BHLHA15: variants seen among roughly 807,000 people sequenced by gnomAD.
BHLHA15 encodes the protein basic helix-loop-helix family member a15.
BHLHA15 carries 7 observed loss-of-function variants against 10.4 expected under a neutral mutation model. The ratio of observed to expected loss-of-function variants is 0.67; its 90% CI spans 0.38 to 1.26. BHLHA15 has a LOEUF of 1.26. BHLHA15 is among the 50% of genes most tolerant of loss of function. The probability of loss-of-function intolerance (pLI) is 0.02; values close to 1 mark genes in which losing one functional copy is unlikely to be tolerated. For synonymous variants in BHLHA15, 140 were observed against 131.5 expected (o/e 1.06, Z -0.44); for missense variants, 289 against 287.4 (o/e 1.01, Z -0.04).
Position 98,212,666 on chromosome 7 carries a change from G to A in BHLHA15, c.357G>A (p.Leu119=). The change falls in exon 2 of 2, where the codon CTG becomes CTA. Residue 119 remains leucine (L), a synonymous_variant. Transcript: ENST00000609256. The part of the protein sequence containing the change: ...KKLSKIETLT[L]AKNYIKSLTA... ...TCTCCAAGATCGAGACGCTCACGCTGGCCAAGAACTACATCAAATCGCTGA... is the reference window on the plus strand; with the variant it reads ...TCTCCAAGATCGAGACGCTCACGCTAGCCAAGAACTACATCAAATCGCTGA... The A allele has an allele frequency of 6.3e-7, 1 of 1,589,056 alleles. No individual in the cohort carries two copies.
chr7:98,212,970 G>A lies in BHLHA15; in HGVS notation c.*91G>A. 1 of 1,209,880 alleles carries A rather than the reference G, an allele frequency of 8.3e-7. No individual in the cohort carries two copies. The highest frequency in any genetic ancestry group is 1.5e-5 in the South Asian group (1 of 66,436). The allele number at this position is 1,209,880 out of a possible 1,614,324, so 74.9% of individuals were successfully genotyped here. ...CCTCCAAGCCACGAGCCCCAGATGGGCGGTGACACCCCACAAGGACACGGC... is the reference window on the plus strand; with the variant it reads ...CCTCCAAGCCACGAGCCCCAGATGGACGGTGACACCCCACAAGGACACGGC... On this transcript the variant is annotated 3_prime_UTR_variant, in exon 2 of 2. Coordinates refer to ENST00000609256, the MANE Select transcript of BHLHA15 (RefSeq NM_177455.4).
Position 98,215,017 on chromosome 7 carries a change from G to C in BHLHA15, c.*2138G>C, listed in dbSNP as rs976560768. ...GGACAGGGGCCAGGTCCACTCCCTTGGCCCTCCTCTTGGACCCCAAGGCCA... is the reference window on the plus strand; with the variant it reads ...GGACAGGGGCCAGGTCCACTCCCTTCGCCCTCCTCTTGGACCCCAAGGCCA... On this transcript the variant is annotated 3_prime_UTR_variant, in exon 2 of 2. Transcript: ENST00000609256. The C allele has an allele frequency of 1.3e-5, 2 of 152,308 alleles. No homozygotes were observed. The highest frequency in any genetic ancestry group is 4.8e-5 in the African/African-American group (2 of 41,470). The allele number at this position is 152,308 out of a possible 1,614,324, so 9.4% of individuals were successfully genotyped here.
chr7:98,215,152 T>A lies in BHLHA15; in HGVS notation c.*2273T>A, dbSNP rs1330205331. 6.6e-6 allele frequency: 1 copy of A among 152,260 alleles called. No homozygotes were observed. Among genetic ancestry groups the A allele is most frequent in the African/African-American group, 2.4e-5 (1 of 41,460 alleles). The allele number at this position is 152,260 out of a possible 1,614,324, so 9.4% of individuals were successfully genotyped here. ...ACCCACCCACATGCCGTTCCTGGGC[T>A]ACGCCACGCGCCATCCCCCGGGGCT... is the stretch of plus-strand genomic sequence containing the variant. On this transcript the variant is annotated 3_prime_UTR_variant, in exon 2 of 2. Coordinates refer to ENST00000609256, the MANE Select transcript of BHLHA15 (RefSeq NM_177455.4).
rs766184189 is a variant in BHLHA15 at position 98,212,325 on chromosome 7, C to T, written c.16C>T (p.Arg6Trp). The T allele has an allele frequency of 3.3e-5, 45 of 1,371,244 alleles. 1 individual carries two copies. The African/African-American group carries it at 4.2e-4, about 13-fold the overall frequency. 84.9% of individuals were successfully genotyped at this position (1,371,244 alleles called of 1,614,324 possible). The change falls in exon 2 of 2, where the codon CGG becomes TGG. Residue 6 changes from arginine (R) to tryptophan (W), a missense_variant. Coordinates refer to ENST00000609256, the MANE Select transcript of BHLHA15 (RefSeq NM_177455.4). MKTKN[R>W]PPRRRAPVQD... ...GTCCAGGGCCATGAAGACCAAGAAC[C>T]GGCCCCCACGGCGCCGGGCCCCGGT...
rs1215031937 is a variant in BHLHA15, at chr7:98,212,753, G to A, written c.444G>A (p.Lys148=). 3.2e-6 allele frequency: 5 copies of A among 1,555,294 alleles called. No individual in the cohort carries two copies. Among genetic ancestry groups the A allele is most frequent in the Non-Finnish European group, 4.3e-6 (5 of 1,150,130 alleles). ...RLPGLEGPGP[K]LYQHYQQQQQ... is the part of the protein sequence containing the mutation. ...CAGGCCTGGAGGGGCCGGGCCCCAA[G>A]CTCTACCAGCACTACCAGCAGCAGC... Residue 148 remains lysine (K), a synonymous_variant, in exon 2 of 2, where the codon AAG becomes AAA. Coordinates refer to ENST00000609256, the MANE Select transcript of BHLHA15 (RefSeq NM_177455.4).
In BHLHA15 at chr7:98,212,413, C is replaced by A; in HGVS notation, c.104C>A (p.Pro35Gln). 6.7e-7 allele frequency: 1 copy of A among 1,492,252 alleles called. No homozygotes were observed. Among genetic ancestry groups the A allele is most frequent in the Non-Finnish European group, 8.9e-7 (1 of 1,122,432 alleles). 92.4% of individuals were successfully genotyped at this position (1,492,252 alleles called of 1,614,324 possible). ...TPDGSLPNPG[P>Q]EPAKGLRSRP... ...GACGGGTCCCTGCCGAACCCGGGGC[C>A]AGAGCCGGCCAAGGGTCTGCGGAGC... The change falls in exon 2 of 2, where the codon CCA (proline) becomes CAA (glutamine). Residue 35 changes from proline (P) to glutamine (Q), a missense_variant. Transcript: ENST00000609256.
Position 98,212,960 on chromosome 7 carries a change from C to T in BHLHA15, c.*81C>T. ...AGCCCCAGTCCCTCCAAGCCACGAG[C>T]CCCAGATGGGCGGTGACACCCCACA... On this transcript the variant is annotated 3_prime_UTR_variant, in exon 2 of 2. Coordinates refer to ENST00000609256, the MANE Select transcript of BHLHA15 (RefSeq NM_177455.4). The T allele has an allele frequency of 7.6e-7, 1 of 1,319,672 alleles. No homozygotes were observed. The highest frequency in any genetic ancestry group is 3.0e-5 in the Admixed American group (1 of 33,838). The allele number at this position is 1,319,672 out of a possible 1,614,324, so 81.7% of individuals were successfully genotyped here.
chr7:98,211,632 C>A (rs1000017888), intron 1 of BHLHA15, 134 bp downstream of exon 1: 1 of 152,542 alleles, frequency 6.6e-6, no homozygotes, highest in Non-Finnish European at 1.5e-5. Context: ...TCTGGAGGCT[C>A]CACGGGGCCC....
rs1006779978 is a variant in BHLHA15, at chr7:98,214,503, G to A, written c.*1624G>A. 6.6e-6 allele frequency: 1 copy of A among 152,384 alleles called. No individual in the cohort carries two copies. Among genetic ancestry groups the A allele is most frequent in the Non-Finnish European group, 1.5e-5 (1 of 68,146 alleles). The allele number at this position is 152,384 out of a possible 1,614,324, so 9.4% of individuals were successfully genotyped here. A position where few individuals can be genotyped will look rare whatever the true frequency, so the allele number is the denominator to read the frequency against. ...GATGCAGCTGGGAGCTTGGGACAGA[G>A]AGAGCCCAGGGCTCCCCTGCTGTGG... On this transcript the variant is annotated 3_prime_UTR_variant, in exon 2 of 2. Transcript: ENST00000609256.
At position 98,214,522 on chromosome 7, in the gene BHLHA15, G is replaced by A. The variant is rs1034307245; in HGVS notation, c.*1643G>A. The A allele has an allele frequency of 7.9e-5, 12 of 152,278 alleles. No individual in the cohort carries two copies. Among genetic ancestry groups the A allele is most frequent in the African/African-American group, 2.9e-4 (12 of 41,456 alleles). 9.4% of individuals were successfully genotyped at this position (152,278 alleles called of 1,614,324 possible). A position where few individuals can be genotyped will look rare whatever the true frequency, so the allele number is the denominator to read the frequency against. On this transcript the variant is annotated 3_prime_UTR_variant, in exon 2 of 2. Coordinates refer to ENST00000609256, the MANE Select transcript of BHLHA15 (RefSeq NM_177455.4). ...GACAGAGAGAGCCCAGGGCTCCCCT[G>A]CTGTGGGGCACCTGCCCAGCGGGGA...
Position 98,212,923 on chromosome 7 carries a change from C to A in BHLHA15, c.*44C>A. On this transcript the variant is annotated 3_prime_UTR_variant, in exon 2 of 2. Transcript: ENST00000609256. ...GGTGGCGGTGGCCGCAGCTGCCTGG[C>A]CTGCTCCTCCCAGCCCCAGTCCCTC... 1 of 1,486,752 alleles carries A rather than the reference C, an allele frequency of 6.7e-7. No homozygotes were observed. Among genetic ancestry groups the A allele is most frequent in the Non-Finnish European group, 8.9e-7 (1 of 1,121,802 alleles). 92.1% of individuals were successfully genotyped at this position (1,486,752 alleles called of 1,614,324 possible).
Position 98,212,656 on chromosome 7 carries a change from C to T in BHLHA15, c.347C>T (p.Thr116Met), listed in dbSNP as rs980797639. ...RADKKLSKIE[T>M]LTLAKNYIKS... ...GACAAGAAGCTCTCCAAGATCGAGA[C>T]GCTCACGCTGGCCAAGAACTACATC... The change falls in exon 2 of 2, where the codon ACG (threonine) becomes ATG (methionine). Residue 116 changes from threonine to methionine, a missense_variant. Transcript: ENST00000609256. 6.3e-6 allele frequency: 10 copies of T among 1,595,302 alleles called. No individual in the cohort carries two copies. The highest frequency in any genetic ancestry group is 1.8e-5 in the Admixed American group (1 of 56,314).
chr7:98,212,347 C>T lies in BHLHA15; in HGVS notation c.38C>T (p.Pro13Leu), dbSNP rs1797918011. ...AACCGGCCCCCACGGCGCCGGGCCC[C>T]GGTGCAGGACACAGAGGCCACCCCC... is the stretch of plus-strand genomic sequence containing the variant. ...TKNRPPRRRA[P>L]VQDTEATPGE... Residue 13 changes from proline (P) to leucine (L), a missense_variant, in exon 2 of 2, where the codon CCG (proline) becomes CTG (leucine). Pro to Leu is a moderately conservative substitution (Grantham distance 98). Transcript: ENST00000609256. 7.9e-6 allele frequency: 11 copies of T among 1,386,648 alleles called. No homozygotes were observed. Among genetic ancestry groups the T allele is most frequent in the South Asian group, 5.2e-5 (3 of 57,418 alleles). The allele number at this position is 1,386,648 out of a possible 1,614,324, so 85.9% of individuals were successfully genotyped here. A position where few individuals can be genotyped will look rare whatever the true frequency, so the allele number is the denominator to read the frequency against.
rs1797939096 is a variant in BHLHA15 at position 98,213,407 on chromosome 7, AGT to A, written c.*530_*531del. Reference sequence around the variant, plus strand: ...CGGCAGAGCCTAAGGCTGCTCGGGGAGTGGGGCCAATCAGAGATGATTGGAGC... The same window carrying A: ...CGGCAGAGCCTAAGGCTGCTCGGGGAGGGGCCAATCAGAGATGATTGGAGC... On this transcript the variant is annotated 3_prime_UTR_variant, in exon 2 of 2. Transcript: ENST00000609256. 6.6e-6 allele frequency among the ~76,000 whole-genome samples: 1 copy of A among 152,132 alleles called. No individual in the cohort carries two copies. Among genetic ancestry groups the A allele is most frequent in the African/African-American group, 2.4e-5 (1 of 41,440 alleles).
rs780225263 is a variant in BHLHA15, at chr7:98,213,558, G to A, written c.*679G>A. On this transcript the variant is annotated 3_prime_UTR_variant, in exon 2 of 2. Transcript: ENST00000609256. ...CCTGGATGTGTTGACTCCAGGCTGTGCCTGGTTGTGGAGGGTCTGGGGCAG... is the reference window on the plus strand; with the variant it reads ...CCTGGATGTGTTGACTCCAGGCTGTACCTGGTTGTGGAGGGTCTGGGGCAG... Among the ~76,000 whole-genome samples, 29 of 152,210 alleles carry A rather than the reference G, an allele frequency of 1.9e-4. No individual in the cohort carries two copies. Among genetic ancestry groups the A allele is most frequent in the Non-Finnish European group, 2.5e-4 (17 of 68,042 alleles).
chr7:98,212,170 AAGG>A, intron 1 of BHLHA15, 83 bp from the exon 2 acceptor site: 1 of 745,982 alleles, frequency 1.3e-6, no homozygotes, highest in Non-Finnish European at 1.9e-6. Flanking sequence ...TGCTGTCAGC[AAGG>A]AGGAGGCTGC....
chr7:98,211,566 G>A (rs1265761717), intron 1 of BHLHA15, 68 bp downstream of exon 1: 1 of 135,916 alleles, frequency 7.4e-6, no homozygotes, highest in Admixed American at 9.0e-5. Context: ...CCTGGCGGTG[G>A]GGTTGTGGGG....
In BHLHA15 at chr7:98,212,387, C is replaced by G. The variant is rs990101961; in HGVS notation, c.78C>G (p.Pro26=). The G allele has an allele frequency of 1.4e-6, 2 of 1,457,310 alleles. No individual in the cohort carries two copies. The highest frequency in any genetic ancestry group is 1.5e-5 in the African/African-American group (1 of 66,786). The allele number at this position is 1,457,310 out of a possible 1,614,324, so 90.3% of individuals were successfully genotyped here. The change falls in exon 2 of 2, where the codon CCC becomes CCG. Residue 26 remains proline, a synonymous_variant. Coordinates refer to ENST00000609256, the MANE Select transcript of BHLHA15 (RefSeq NM_177455.4). The part of the protein sequence containing the change: ...DTEATPGEGT[P]DGSLPNPGPE... ...AGGCCACCCCCGGGGAGGGGACGCC[C>G]GACGGGTCCCTGCCGAACCCGGGGC... is the stretch of plus-strand genomic sequence containing the variant.
intron 1 of BHLHA15, among the ~76,000 whole-genome samples, chr7:98,212,026 G>A (rs931847622): frequency 2.6e-5 from 4 of 152,174 alleles, no homozygotes; most frequent in African/African-American, 9.7e-5. Flanking sequence ...GGGGGACGCA[G>A]GGACAGGGAC....
Sources: allele counts gnomAD v4.1 joint callset (sites outside exome capture counted in the v4.1 genomes callset), GRCh38; gene constraint gnomAD v4.1.1; transcripts MANE v1.5; gene names NCBI Gene and HGNC (gene_info 2026-07-23, HGNC 2026-07-21).